Variants in TTC23 observed in about 807,000 individuals in gnomAD.
TTC23 encodes tetratricopeptide repeat domain 23.
A neutral mutation model predicts 55.1 loss-of-function variants in TTC23; 58 were observed. That is an observed-to-expected ratio of 1.05 (90% CI 0.85 to 1.31). The LOEUF (loss-of-function observed/expected upper bound fraction) is 1.31, where lower values mean the gene tolerates loss of function less well. Ranked by LOEUF, TTC23 falls within the 50% of genes most tolerant of loss-of-function variation. The pLI, the probability that TTC23 is intolerant of heterozygous loss-of-function variation, is 0.00. For synonymous variants in TTC23, 203 were observed against 199.9 expected, an observed-to-expected ratio of 1.02 and a Z score of -0.13; for missense variants, 516 against 534.4, an observed-to-expected ratio of 0.97 and a Z score of 0.34.
rs1228221340 is a variant in TTC23, at chr15:99,241,398, T to C, written c.-147A>G. ...ACATGCTTATCATCAGCCACTTTTC[T>C]TTGTAGTAGCTATAGCTGGGGCTTA... On this transcript the variant is annotated 5_prime_UTR_variant, in exon 3 of 14. Transcript: ENST00000394132. 1 of 152,434 alleles carries C rather than the reference T, an allele frequency of 6.6e-6. No homozygotes were observed. Among genetic ancestry groups the C allele is most frequent in the Admixed American group, 6.5e-5 (1 of 15,282 alleles). The allele number at this position is 152,434 out of a possible 1,614,324, so 9.4% of individuals were successfully genotyped here.
At chr15:99,143,451 G>T (rs533778394) in intron 12 of TTC23, among the ~76,000 whole-genome samples, 2 of 152,138 alleles carry the variant, frequency 1.3e-5, no homozygotes, top group South Asian at 4.1e-4. Flanking sequence ...TAAAGAACTC[G>T]CCAAACCTTG....
chr15:99,160,597 G>A (rs537891585), intron 11 of TTC23: 2 of 152,226 alleles, frequency 1.3e-5, no homozygotes, highest in African/African-American at 4.8e-5. Context: ...TATCCTTGGG[G>A]GCTCTGGAAC....
At chr15:99,216,608 C>T (rs1053100281) in intron 8 of TTC23, among the ~76,000 whole-genome samples, 4 of 152,058 alleles carry the variant, frequency 2.6e-5, no homozygotes, top group African/African-American at 9.7e-5. Context: ...TCCCAAGTGG[C>T]TAAGTCGTAT....
At chr15:99,220,472 C>T (rs986681362) in intron 6 of TTC23, among the ~76,000 whole-genome samples, 8 of 152,164 alleles carry the variant, frequency 5.3e-5, no homozygotes, top group Non-Finnish European at 2.9e-5. Flanking sequence ...AGATCAGCTA[C>T]TTATTAACAG....
chr15:99,226,246 A>AGTATTATACTGACAT (rs563327507), intron 5 of TTC23, among the ~76,000 whole-genome samples: 219 of 152,338 alleles, frequency 1.4e-3, no homozygotes, highest in African/African-American at 4.7e-3. Context: ...ATTAGATAAT[A>AGTATTATACTGACAT]GTATTATACT....
chr15:99,245,664 AG>A (rs1296567539), intron 1 of TTC23, among the ~76,000 whole-genome samples, 154 bp from the exon 2 acceptor site: 2 of 152,184 alleles, frequency 1.3e-5, no homozygotes, highest in Non-Finnish European at 2.9e-5. Context: ...AACAATAAAC[AG>A]TGCTGGTACA....
chr15:99,155,977 T>A, intron 12 of TTC23, 171 bp downstream of exon 12: 1 of 775,598 alleles, frequency 1.3e-6, no homozygotes, highest in Non-Finnish European at 2.0e-6. Context: ...AGGCTTACTA[T>A]GTCTTTTACC....
intron 10 of TTC23, among the ~76,000 whole-genome samples, chr15:99,165,131 G>A (rs1001294427): frequency 1.3e-5 from 2 of 152,200 alleles, no homozygotes; most frequent in African/African-American, 4.8e-5. Context: ...GATAATTGTG[G>A]CTATGGGTCC....
intron 9 of TTC23, among the ~76,000 whole-genome samples, chr15:99,188,753 C>A (rs987905831): frequency 5.3e-5 from 8 of 152,022 alleles, no homozygotes; most frequent in Non-Finnish European, 1.0e-4. Flanking sequence ...TTAAAACTAT[C>A]CTGAGACGTC....
intron 3 of TTC23, among the ~76,000 whole-genome samples, chr15:99,240,598 G>A (rs2079694935): frequency 6.6e-6 from 1 of 152,210 alleles, no homozygotes; most frequent in Admixed American, 6.5e-5. Flanking sequence ...TTTGCCTGTT[G>A]CCACCAATCC....
intron 10 of TTC23, among the ~76,000 whole-genome samples, chr15:99,172,465 G>T (rs1386643685): frequency 2.6e-5 from 4 of 152,170 alleles, no homozygotes; most frequent in African/African-American, 9.7e-5. Flanking sequence ...TCCCTTGTCT[G>T]CCCACAGATT....
chr15:99,193,852 T>C (rs1274381398), intron 9 of TTC23, among the ~76,000 whole-genome samples: 1 of 152,042 alleles, frequency 6.6e-6, no homozygotes, highest in African/African-American at 2.4e-5. Context: ...TACTCAAAGA[T>C]ACAAAAATTA....
chr15:99,250,278 C>A (rs533629238), upstream of TTC23, among the ~76,000 whole-genome samples: 1 of 152,166 alleles, frequency 6.6e-6, no homozygotes, highest in Non-Finnish European at 1.5e-5. Context: ...ACCTGAATAG[C>A]TCTTGAAGAC....
At chr15:99,138,421 C>CT (rs1300965723) in intron 13 of TTC23, among the ~76,000 whole-genome samples, 1 of 152,048 alleles carries the variant, frequency 6.6e-6, no homozygotes, top group Admixed American at 6.5e-5. Flanking sequence ...TCAAGCAACT[C>CT]TCATGCCTCA....
chr15:99,220,978 GA>G (rs1365787660), intron 6 of TTC23, among the ~76,000 whole-genome samples: 4 of 152,152 alleles, frequency 2.6e-5, no homozygotes, highest in Non-Finnish European at 5.9e-5. Flanking sequence ...TCTCCTTCAG[GA>G]TCCAATGAAG....
chr15:99,218,794 C>T, intron 7 of TTC23, 81 bp from the exon 8 acceptor site: 2 of 1,602,092 alleles, frequency 1.2e-6, no homozygotes, highest in Non-Finnish European at 1.7e-6. Flanking sequence ...CCCATACTTC[C>T]AATCACACTT....
At chr15:99,193,912 T>C (rs1198814829) in intron 9 of TTC23, among the ~76,000 whole-genome samples, 1 of 151,754 alleles carries the variant, frequency 6.6e-6, no homozygotes, top group Non-Finnish European at 1.5e-5. Flanking sequence ...GGGAGGCTGA[T>C]GCAGGAGAAT....
At chr15:99,222,668 G>GC (rs2078045324) in intron 5 of TTC23, among the ~76,000 whole-genome samples, 1 of 152,154 alleles carries the variant, frequency 6.6e-6, no homozygotes, top group Admixed American at 6.6e-5. Flanking sequence ...TGATCTCAGA[G>GC]CAGCCATATC....
At chr15:99,174,314 T>G (rs2073282257) in intron 10 of TTC23, among the ~76,000 whole-genome samples, 1 of 152,218 alleles carries the variant, frequency 6.6e-6, no homozygotes. Context: ...ACTTCCTGAA[T>G]CAACCCCATG....
Sources: gnomAD v4.1 joint callset for allele counts (sites outside exome capture counted in the v4.1 genomes callset) on GRCh38, gnomAD v4.1.1 for gene constraint, MANE v1.5 for transcripts, NCBI Gene and HGNC (gene_info 2026-07-23, HGNC 2026-07-21) for gene names.